ARID2: variants seen among roughly 807,000 people sequenced by gnomAD.
The protein encoded by ARID2 is AT-rich interaction domain 2.
In ARID2, 32 loss-of-function variants were observed where a neutral mutation model predicts 184.6. That is an observed-to-expected ratio of 0.17 (90% CI 0.13 to 0.23). The LOEUF is 0.23. Ranked by LOEUF, ARID2 falls within the 10% of genes least tolerant of loss-of-function variation. The pLI, the probability that ARID2 is intolerant of heterozygous loss-of-function variation, is 1.00. For synonymous variants in ARID2, 836 were observed against 772.6 expected (o/e 1.08, Z -1.36); for missense variants, 1,696 against 2,197.6 (o/e 0.77, Z 4.56).
chr12:45,832,828 T>G (rs1397745791), intron 6 of ARID2, among the ~76,000 whole-genome samples: 1 of 152,246 alleles, frequency 6.6e-6, no homozygotes, highest in Admixed American at 6.5e-5. Flanking sequence ...CACGTTACAC[T>G]GTATTAGGTA....
chr12:45,855,456 T>C (rs925642818), intron 15 of ARID2, among the ~76,000 whole-genome samples: 1 of 152,176 alleles, frequency 6.6e-6, no homozygotes, highest in Non-Finnish European at 1.5e-5. Context: ...AGAATGAGAA[T>C]AACAAAAACA....
chr12:45,870,239 C>A (rs1181652362), intron 16 of ARID2, among the ~76,000 whole-genome samples: 5 of 152,202 alleles, frequency 3.3e-5, no homozygotes, highest in African/African-American at 1.2e-4. Context: ...CCACCCTCCT[C>A]GGCCTCCCAA....
rs1454075294 is a variant in ARID2 at position 45,757,446 on chromosome 12, C to T, written c.284+26132C>T. On this transcript the variant is annotated intron_variant, in intron 3 of 20. Transcript: ENST00000334344. ...AATGTGAAGTTTTAGGAAATGTTGC[C>T]GTCAGTACACAAACTTGCTAGATAA... 5.3e-5 allele frequency among the ~76,000 whole-genome samples: 8 copies of T among 152,044 alleles called. No individual in the cohort carries two copies. The South Asian group carries it at 8.3e-4, about 16-fold the overall frequency.
At chr12:45,857,791 G>A (rs148129146) in intron 15 of ARID2, among the ~76,000 whole-genome samples, 155 of 150,830 alleles carry the variant, frequency 1.0e-3, no homozygotes, top group African/African-American at 3.6e-3. Flanking sequence ...ACAGAGCCTC[G>A]CTCTGTTGCC....
intron 16 of ARID2, among the ~76,000 whole-genome samples, chr12:45,862,298 A>G (rs778982222): frequency 2.6e-5 from 4 of 152,204 alleles, no homozygotes; most frequent in Non-Finnish European, 2.9e-5. Flanking sequence ...TATAAAATCT[A>G]TTTGTCAAAA....
At chr12:45,773,889 T>TA (rs1941927532) in intron 3 of ARID2, among the ~76,000 whole-genome samples, 1 of 152,186 alleles carries the variant, frequency 6.6e-6, no homozygotes, top group African/African-American at 2.4e-5. Context: ...TGTACCTTCT[T>TA]ACAGCAGTTG....
intron 5 of ARID2, among the ~76,000 whole-genome samples, chr12:45,819,610 C>T (rs1474495382): frequency 6.6e-6 from 1 of 152,046 alleles, no homozygotes; most frequent in Non-Finnish European, 1.5e-5. Context: ...AGAATATTTA[C>T]ATATTTTGTG....
intron 20 of ARID2, among the ~76,000 whole-genome samples, chr12:45,896,355 G>C (rs1045333808): frequency 1.3e-5 from 2 of 152,194 alleles, no homozygotes; most frequent in African/African-American, 4.8e-5. Flanking sequence ...AAAGAAGGCT[G>C]ATGCGGTTTG....
Position 45,852,253 on chromosome 12 carries a change from C to T in ARID2, c.4130C>T (p.Pro1377Leu), listed in dbSNP as rs75881122. 1 of 1,613,974 alleles carries T rather than the reference C, an allele frequency of 6.2e-7. No homozygotes were observed. Among genetic ancestry groups the T allele is most frequent in the Non-Finnish European group, 8.5e-7 (1 of 1,179,976 alleles). Residue 1377 changes from proline (P) to leucine (L), a missense_variant, in exon 15 of 21, where the codon CCA becomes CTA. Transcript: ENST00000334344. ...GGTTCTCATTTAAGCAAAAACATTC[C>T]AAATCATAAAACTTCCAATCATGTA... The part of the protein sequence containing the change: ...GDGSHLSKNI[P>L]NHKTSNHVGN...
At chr12:45,876,357 C>T (rs1417817608) in intron 16 of ARID2, among the ~76,000 whole-genome samples, 2 of 151,720 alleles carry the variant, frequency 1.3e-5, no homozygotes, top group Admixed American at 6.6e-5. Context: ...TCAAGACCAC[C>T]CTGACCAACA....
intron 3 of ARID2, among the ~76,000 whole-genome samples, chr12:45,770,182 G>A (rs906284976): frequency 7.9e-5 from 12 of 151,982 alleles, no homozygotes; most frequent in African/African-American, 2.7e-4. Context: ...GAATACGGGA[G>A]GCAGAGATTG....
At chr12:45,847,033 C>A in intron 12 of ARID2, 96 bp downstream of exon 12, 1 of 1,105,280 alleles carries the variant, frequency 9.0e-7, no homozygotes, top group Admixed American at 2.2e-5. Context: ...ATGTTTTGTT[C>A]TGTATTCCTT....
At chr12:45,751,931 T>A (rs1179142370) in intron 3 of ARID2, among the ~76,000 whole-genome samples, 2 of 152,188 alleles carry the variant, frequency 1.3e-5, no homozygotes, top group Non-Finnish European at 2.9e-5. Context: ...AAAATGATAG[T>A]TTGTACGACC....
At chr12:45,750,999 T>C (rs1343919411) in intron 3 of ARID2, among the ~76,000 whole-genome samples, 1 of 152,208 alleles carries the variant, frequency 6.6e-6, no homozygotes, top group Non-Finnish European at 1.5e-5. Flanking sequence ...GAATAATAAT[T>C]GATCACGTAT....
At chr12:45,846,832 T>C in intron 11 of ARID2, 24 bp from the exon 12 acceptor site, 3 of 1,607,684 alleles carry the variant, frequency 1.9e-6, no homozygotes, top group Non-Finnish European at 2.6e-6. Context: ...AGAAATGATG[T>C]AGCTAATGTA....
chr12:45,868,263 A>C (rs1943862543), intron 16 of ARID2, among the ~76,000 whole-genome samples: 1 of 152,168 alleles, frequency 6.6e-6, no homozygotes, highest in Non-Finnish European at 1.5e-5. Context: ...CAACATGGCA[A>C]AACCCTGTCT....
intron 20 of ARID2, among the ~76,000 whole-genome samples, chr12:45,894,481 C>G (rs1944342343): frequency 6.6e-6 from 1 of 152,066 alleles, no homozygotes; most frequent in South Asian, 2.1e-4. Flanking sequence ...ACTATTTTAC[C>G]TTGTCTTACG....
chr12:45,821,769 G>C (rs1257609640), intron 6 of ARID2, among the ~76,000 whole-genome samples: 1 of 152,122 alleles, frequency 6.6e-6, no homozygotes, highest in Non-Finnish European at 1.5e-5. Flanking sequence ...TTCTGAGAAT[G>C]GGTTTCAGGA....
intron 3 of ARID2, among the ~76,000 whole-genome samples, chr12:45,754,232 G>A (rs1941520974): frequency 6.6e-6 from 1 of 152,136 alleles, no homozygotes; most frequent in South Asian, 2.1e-4. Flanking sequence ...GAGTGATGCA[G>A]GTAAGTGCTT....
Sources: gnomAD v4.1 joint callset for allele counts (sites outside exome capture counted in the v4.1 genomes callset) on GRCh38, gnomAD v4.1.1 for gene constraint, MANE v1.5 for transcripts, NCBI Gene and HGNC (gene_info 2026-07-23, HGNC 2026-07-21) for gene names.